Variants in CHD9 observed in about 807,000 individuals in gnomAD.
The protein encoded by CHD9 is ATP-dependent chromatin remodeler CHD9.
A neutral mutation model predicts 316.1 loss-of-function variants in CHD9; 77 were observed. The ratio of observed to expected loss-of-function variants is 0.24; its 90% confidence interval spans 0.20 to 0.29. The LOEUF is 0.29. CHD9 is among the 10% of genes least tolerant of loss of function. CHD9 has a pLI of 1.00. For missense variants in CHD9, 2,763 were observed against 3,438.1 expected, an observed-to-expected ratio of 0.80 and a Z score of 4.91; for synonymous variants, 1,129 against 1,158.3, an observed-to-expected ratio of 0.97 and a Z score of 0.51.
At chr16:53,130,562 C>T (rs1033199066) in intron 1 of CHD9, among the ~76,000 whole-genome samples, 1 of 150,040 alleles carries the variant, frequency 6.7e-6, no homozygotes, top group African/African-American at 2.4e-5. Context: ...CGGGGGAGCC[C>T]GGACCACTGC....
rs760613766 is a variant in CHD9 at position 53,156,232 on chromosome 16, T to C, written c.143T>C (p.Leu48Ser). ...AATTTGGGTGCAGAATTTGAACCGT[T>C]GCACATAGATTCACTGAACCATGTT... ...ELNLGAEFEP[L>S]HIDSLNHVQG... Residue 48 changes from leucine (L) to serine (S), a missense_variant, in exon 2 of 39, where the codon TTG becomes TCG. Leu to Ser is a moderately radical substitution (Grantham distance 145). Around this residue, in one of 15 missense-constraint regions of CHD9, gnomAD observed 859 missense variants for 890.4 expected, o/e 0.96. Transcript: ENST00000447540. 1.9e-6 allele frequency: 3 copies of C among 1,614,026 alleles called. No homozygotes were observed. The highest frequency in any genetic ancestry group is 2.5e-6 in the Non-Finnish European group (3 of 1,179,894).
intron 31 of CHD9, among the ~76,000 whole-genome samples, chr16:53,305,660 C>T (rs1355289496): frequency 2.0e-5 from 3 of 152,158 alleles, no homozygotes; most frequent in African/African-American, 7.2e-5. Flanking sequence ...AAATGCTTGT[C>T]AGCAGAACAG....
rs2049992784 is a variant in CHD9 at position 53,249,955 on chromosome 16, T to C, written c.3750T>C (p.Asp1250=). 1.2e-6 allele frequency: 2 copies of C among 1,613,772 alleles called. No homozygotes were observed. The highest frequency in any genetic ancestry group is 1.7e-6 in the Non-Finnish European group (2 of 1,179,724). Residue 1250 remains aspartate, a synonymous_variant, in exon 17 of 39, where the codon GAT becomes GAC. Transcript: ENST00000447540. ...ATAGATTTAGTAAACCTGATTCAGA[T>C]AGATTTGTTTTTCTCCTGTGTACCC... ...AIDRFSKPDS[D]RFVFLLCTRA...
intron 19 of CHD9, among the ~76,000 whole-genome samples, chr16:53,260,280 A>G (rs2050971041): frequency 6.6e-6 from 1 of 152,154 alleles, no homozygotes; most frequent in Admixed American, 6.5e-5. Flanking sequence ...GAAGTTCAAG[A>G]CCAGCCTAGG....
intron 3 of CHD9, among the ~76,000 whole-genome samples, chr16:53,220,097 C>A (rs1051588019): frequency 3.2e-4 from 48 of 152,096 alleles, no homozygotes; most frequent in African/African-American, 1.1e-3. Context: ...GGGACTAGAA[C>A]AGAGAGGAAA....
At chr16:53,277,719 C>T (rs1024220176) in intron 24 of CHD9, among the ~76,000 whole-genome samples, 17 of 152,158 alleles carry the variant, frequency 1.1e-4, no homozygotes, top group Non-Finnish European at 2.2e-4. Context: ...GATGCCCACT[C>T]TCACCACTTC....
At chr16:53,073,524 G>A (rs1034569487) in intron 1 of CHD9, among the ~76,000 whole-genome samples, 1 of 152,170 alleles carries the variant, frequency 6.6e-6, no homozygotes, top group East Asian at 1.9e-4. Context: ...AGATCATATG[G>A]TAATATGGTT....
intron 1 of CHD9, among the ~76,000 whole-genome samples, chr16:53,063,723 G>T (rs1391282921): frequency 2.0e-5 from 3 of 151,792 alleles, no homozygotes; most frequent in Non-Finnish European, 2.9e-5. Context: ...AGTAGAGATG[G>T]GGTTTCACCA....
intron 1 of CHD9, among the ~76,000 whole-genome samples, chr16:53,124,467 A>ATTTTTTTTTTTTTTTTTTT (rs753476091): frequency 1.0e-5 from 1 of 96,924 alleles, no homozygotes; most frequent in African/African-American, 3.8e-5. Context: ...GTGAGACTTA[A>ATTTTTTTTTTTTTTTTTTT]TTTTTTTTTT....
chr16:53,109,133 G>A (rs910491949), intron 1 of CHD9, among the ~76,000 whole-genome samples: 5 of 152,096 alleles, frequency 3.3e-5, no homozygotes, highest in African/African-American at 7.2e-5. Flanking sequence ...TGCCATGCCC[G>A]GTTGCCCTGT....
chr16:53,178,493 C>T (rs147385073), intron 2 of CHD9, among the ~76,000 whole-genome samples: 71 of 137,142 alleles, frequency 5.2e-4, no homozygotes, highest in African/African-American at 1.8e-3. Context: ...AGTGTAGTGG[C>T]GCAAACATGG....
At chr16:53,168,706 A>C (rs999489364) in intron 2 of CHD9, 2 of 152,230 alleles carry the variant, frequency 1.3e-5, no homozygotes, top group Non-Finnish European at 2.9e-5. Flanking sequence ...TATTGTGCTA[A>C]GTACTTAAAA....
In CHD9 at chr16:53,324,723, A is replaced by C; in HGVS notation, c.8522A>C (p.Glu2841Ala). The stretch of plus-strand genomic sequence containing the variant: ...GACTTAGGCTCGTCTAAGTCTGTAG[A>C]AGTAAAAGAAGAAGATTCCAGAATT... ...NSDLGSSKSV[E>A]VKEEDSRIKD... The change falls in exon 39 of 39, where the codon GAA becomes GCA. Residue 2841 changes from glutamate (E) to alanine (A), a missense_variant. By Grantham distance (107) the Glu-to-Ala change is moderately radical. Coordinates refer to ENST00000447540, the MANE Select transcript of CHD9 (RefSeq NM_001308319.2). 1 of 1,613,430 alleles carries C rather than the reference A, an allele frequency of 6.2e-7. No homozygotes were observed. Among genetic ancestry groups the C allele is most frequent in the South Asian group, 1.1e-5 (1 of 90,930 alleles).
intron 1 of CHD9, among the ~76,000 whole-genome samples, chr16:53,133,661 C>A (rs1246274652): frequency 6.6e-6 from 1 of 152,090 alleles, no homozygotes; most frequent in Non-Finnish European, 1.5e-5. Context: ...CCTCTGAAAT[C>A]AAAAACTTAT....
At chr16:53,237,986 G>A (rs1312492299) in intron 11 of CHD9, among the ~76,000 whole-genome samples, 3 of 152,078 alleles carry the variant, frequency 2.0e-5, no homozygotes, top group African/African-American at 7.2e-5. Flanking sequence ...GAAAGGCAGA[G>A]AACATGTTTT....
intron 1 of CHD9, among the ~76,000 whole-genome samples, chr16:53,153,901 G>A (rs552150271): frequency 6.6e-6 from 1 of 152,222 alleles, no homozygotes; most frequent in African/African-American, 2.4e-5. Flanking sequence ...TCAGCTTGTA[G>A]GTAGGAAACA....
At position 53,226,349 on chromosome 16, in the gene CHD9, C is replaced by T. The variant is rs751735383; in HGVS notation, c.1897-17C>T. Reference sequence around the variant, plus strand: ...CAAAATAAATTATATAAATCTGATTCTTGTGGTTCATTACAGAAAAGAAGA... The same window carrying T: ...CAAAATAAATTATATAAATCTGATTTTTGTGGTTCATTACAGAAAAGAAGA... On this transcript the variant is annotated splice_polypyrimidine_tract_variant and intron_variant, in intron 4 of 38. Transcript: ENST00000447540. The T allele has an allele frequency of 2.2e-5, 33 of 1,497,328 alleles. No individual in the cohort carries two copies. In the South Asian group the frequency reaches 4.0e-4, roughly 18 times the overall value. The allele number at this position is 1,497,328 out of a possible 1,614,324, so 92.8% of individuals were successfully genotyped here. A position where few individuals can be genotyped will look rare whatever the true frequency, so the allele number is the denominator to read the frequency against.
rs368506620 is a variant in CHD9, at chr16:53,291,727, T to C, written c.5250T>C (p.Asp1750=). The C allele has an allele frequency of 4.2e-5, 65 of 1,562,928 alleles. No homozygotes were observed. The highest frequency in any genetic ancestry group is 2.1e-5 in the Admixed American group (1 of 47,824). The part of the protein sequence containing the change: ...APAIFKDDIE[D]DVSSPGDLVI... ...AAGTTTCTATTTTCTTTTAAAAGGA[T>C]GATGTTTCCTCACCAGGAGATCTTG... Residue 1750 remains aspartate, a splice_region_variant and synonymous_variant, in exon 28 of 39, where the codon GAT becomes GAC. Coordinates refer to ENST00000447540, the MANE Select transcript of CHD9 (RefSeq NM_001308319.2).
intron 2 of CHD9, chr16:53,208,152 G>T: frequency 1.9e-6 from 2 of 1,077,762 alleles, no homozygotes; most frequent in Non-Finnish European, 2.3e-6. Context: ...ACTTGCCAAG[G>T]CAGAAATGTG....
Sources: gnomAD v4.1 joint callset for allele counts (sites outside exome capture counted in the v4.1 genomes callset) on GRCh38, gnomAD v4.1.1 for gene constraint, gnomAD v4.1.1 regional missense constraint, MANE v1.5 for transcripts, NCBI Gene and HGNC (gene_info 2026-07-23, HGNC 2026-07-21) for gene names.